The following PDXDC1 variants were observed in gnomAD, a reference collection of about 807,000 sequenced individuals.
PDXDC1 encodes the protein pyridoxal dependent decarboxylase domain containing 1, also known as pyridoxal-dependent decarboxylase domain-containing protein 1.
In PDXDC1, 42 loss-of-function variants were observed where a neutral mutation model predicts 100.1. The ratio of observed to expected loss-of-function variants is 0.42; its 90% CI spans 0.33 to 0.54. The LOEUF (loss-of-function observed/expected upper bound fraction) is 0.54. PDXDC1 is among the 20% of genes least tolerant of loss of function. The pLI is 0.10. For synonymous variants in PDXDC1, 260 were observed against 371.7 expected (o/e 0.70, Z 3.46); for missense variants, 636 against 979.2 (o/e 0.65, Z 4.68).
Position 15,036,645 on chromosome 16 carries a change from A to AATGATACG in PDXDC1, c.*370_*371insATGATACG. On this transcript the variant is annotated 3_prime_UTR_variant, in exon 23 of 23. Transcript: ENST00000396410. Reference sequence around the variant, plus strand: ...CTTTTTGGTAAAACAGCTTTTCATTAGCACTCTCCAGGTTCTCTGCAACAC... The same window carrying AATGATACG: ...CTTTTTGGTAAAACAGCTTTTCATTAATGATACGGCACTCTCCAGGTTCTCTGCAACAC... 7.8e-6 allele frequency: 2 copies of AATGATACG among 257,628 alleles called. No homozygotes were observed. The highest frequency in any genetic ancestry group is 5.0e-5 in the Admixed American group (1 of 19,968). The allele number at this position is 257,628 out of a possible 1,614,324, so 16.0% of individuals were successfully genotyped here. A position where few individuals can be genotyped will look rare whatever the true frequency, so the allele number is the denominator to read the frequency against.
At chr16:15,043,623 G>A (rs1010881710) in intron 16 of PDXDC1, among the ~76,000 whole-genome samples, 3 of 136,700 alleles carry the variant, frequency 2.2e-5, no homozygotes, top group Non-Finnish European at 3.2e-5. Context: ...GTCAACACAC[G>A]ACAATGTTTT....
chr16:15,073,640 G>A (rs887948617), intron 16 of PDXDC1, among the ~76,000 whole-genome samples: 5 of 152,148 alleles, frequency 3.3e-5, no homozygotes, highest in Non-Finnish European at 2.9e-5. Context: ...TCTATCATTC[G>A]TGTAGCAAAA....
chr16:14,996,572 A>G (rs1366172720), intron 1 of PDXDC1, among the ~76,000 whole-genome samples: 1 of 152,294 alleles, frequency 6.6e-6, no homozygotes, highest in Non-Finnish European at 1.5e-5. Flanking sequence ...AGGAATGCGT[A>G]TGTTTTAATT....
intron 1 of PDXDC1, among the ~76,000 whole-genome samples, chr16:14,977,370 C>T (rs1442487455): frequency 1.3e-5 from 2 of 151,974 alleles, no homozygotes; most frequent in African/African-American, 4.8e-5. Flanking sequence ...ACCTCCGCCT[C>T]CCGGATTCAA....
chr16:15,124,115 G>T (rs2047572902), intron 16 of PDXDC1, among the ~76,000 whole-genome samples: 1 of 152,206 alleles, frequency 6.6e-6, no homozygotes, highest in Non-Finnish European at 1.5e-5. Flanking sequence ...AAGTTCATCA[G>T]CTTCTCTCCT....
At position 15,035,494 on chromosome 16, in the gene PDXDC1, G is replaced by A. The variant is rs1371679495; in HGVS notation, c.2048G>A (p.Gly683Asp). ...CCCATATATGTCTACAAAGCACAAG[G>A]TGCAGGAGTCACGCTGCCTCCAACG... ...TEPIYVYKAQ[G>D]AGVTLPPTPS... is the part of the protein sequence containing the mutation. The change falls in exon 22 of 23, where the codon GGT (glycine) becomes GAT (aspartate). Residue 683 changes from glycine (G) to aspartate (D), a missense_variant. Coordinates refer to ENST00000396410, the MANE Select transcript of PDXDC1 (RefSeq NM_015027.4). The A allele has an allele frequency of 2.5e-6, 4 of 1,612,718 alleles. No homozygotes were observed. Among genetic ancestry groups the A allele is most frequent in the East Asian group, 2.2e-5 (1 of 44,846 alleles).
At chr16:15,094,000 C>T in intron 16 of PDXDC1, 1 of 724,750 alleles carries the variant, frequency 1.4e-6, no homozygotes, top group South Asian at 1.6e-5. Flanking sequence ...GGAATGAGCT[C>T]ATTTCTGTGA....
chr16:15,046,606 G>C (rs2044074535), intron 16 of PDXDC1, among the ~76,000 whole-genome samples: 1 of 146,610 alleles, frequency 6.8e-6, no homozygotes, highest in African/African-American at 2.5e-5. Flanking sequence ...CAATCTGCTG[G>C]AATTTAAAAC....
rs548898875 is a variant in PDXDC1 at position 15,075,370 on chromosome 16, T to A, written c.1399+45314T>A. ...GGAGGATCACTTGAGCTCAGGAACT[T>A]GAGACCAGCCTGGGCAACACAGTGA... is the stretch of plus-strand genomic sequence containing the variant. On this transcript the variant is annotated intron_variant, in intron 16 of 16. Coordinates refer to the PDXDC1 transcript ENST00000535621. Among the ~76,000 whole-genome samples the A allele has an allele frequency of 3.7e-4, 56 of 152,008 alleles. No homozygotes were observed. The East Asian group carries it at 0.011, about 29-fold the overall frequency.
intron 16 of PDXDC1, among the ~76,000 whole-genome samples, chr16:15,087,459 C>T (rs942966453): frequency 1.8e-4 from 27 of 152,306 alleles, no homozygotes; most frequent in African/African-American, 6.3e-4. Context: ...TATCCTCTGT[C>T]CACCGTCCCA....
intron 7 of PDXDC1, 63 bp downstream of exon 7, chr16:15,008,910 G>A: frequency 1.3e-6 from 2 of 1,524,918 alleles, no homozygotes; most frequent in Non-Finnish European, 1.8e-6. Context: ...CCTTTCAAAT[G>A]AAGTTCTTTT....
downstream of PDXDC1, among the ~76,000 whole-genome samples, chr16:15,039,777 G>A (rs2043725542): frequency 1.3e-5 from 2 of 152,202 alleles, no homozygotes; most frequent in Non-Finnish European, 2.9e-5. Context: ...TGGAGCTGAT[G>A]ACCTAAAGAT....
At chr16:15,130,032 C>A (rs1277608837) in intron 16 of PDXDC1, 2 of 1,153,620 alleles carry the variant, frequency 1.7e-6, no homozygotes, top group East Asian at 2.5e-5. Flanking sequence ...ACCAGGCACA[C>A]AGCACATGTC....
At chr16:15,011,639 T>TC (rs1480909557) in intron 8 of PDXDC1, among the ~76,000 whole-genome samples, 2 of 112,966 alleles carry the variant, frequency 1.8e-5, no homozygotes, top group South Asian at 3.7e-4. Context: ...TTCTTTTTTT[T>TC]TTTTTTTTTT....
chr16:15,012,998 G>A (rs199552148), intron 8 of PDXDC1, among the ~76,000 whole-genome samples: 4 of 152,176 alleles, frequency 2.6e-5, no homozygotes, highest in African/African-American at 7.2e-5. Flanking sequence ...GTGAAACCCC[G>A]TTTCCACTAA....
At chr16:15,052,600 G>A (rs933991650) in intron 16 of PDXDC1, among the ~76,000 whole-genome samples, 3 of 152,202 alleles carry the variant, frequency 2.0e-5, no homozygotes, top group African/African-American at 7.2e-5. Flanking sequence ...TTTGGAGGCC[G>A]AGGCGAGATG....
chr16:15,012,093 C>T (rs1289702638), intron 8 of PDXDC1, among the ~76,000 whole-genome samples: 10 of 152,248 alleles, frequency 6.6e-5, no homozygotes, highest in Non-Finnish European at 1.3e-4. Context: ...TCAATAAGGA[C>T]ACAAGCAATA....
chr16:15,127,195 T>A, intron 16 of PDXDC1: 1 of 408,664 alleles, frequency 2.4e-6, no homozygotes, highest in East Asian at 5.6e-5. Context: ...GCCGCGTGCT[T>A]GCTTCTTCTG....
intron 16 of PDXDC1, chr16:15,085,830 C>G (rs549206726): frequency 2.3e-5 from 30 of 1,287,354 alleles, no homozygotes; most frequent in South Asian, 1.1e-4. Context: ...AAAGTTAGCC[C>G]AATGATTAAT....
Sources: gnomAD v4.1 joint callset for allele counts (sites outside exome capture counted in the v4.1 genomes callset) on GRCh38, gnomAD v4.1.1 for gene constraint, MANE v1.5 for transcripts, NCBI Gene and HGNC (gene_info 2026-07-23, HGNC 2026-07-21) for gene names.